The following RAB20 variants were observed in gnomAD, a reference collection of about 807,000 sequenced individuals.
RAB20 encodes RAB20, member RAS oncogene family, also known as ras-related protein Rab-20.
A neutral mutation model predicts 3.7 loss-of-function variants in RAB20; 2 were observed. The ratio of observed to expected loss-of-function variants is 0.54; its 90% CI spans 0.22 to 1.69. RAB20 has a LOEUF of 1.69. RAB20 is among the 40% of genes most tolerant of loss of function. The pLI, the probability that RAB20 is intolerant of heterozygous loss-of-function variation, is 0.19. For synonymous variants in RAB20, 126 were observed against 130.8 expected (o/e 0.96, Z 0.25); for missense variants, 276 against 311.9 (o/e 0.88, Z 0.87).
At chr13:110,532,506 A>G (rs1884559539) in intron 1 of RAB20, among the ~76,000 whole-genome samples, 1 of 151,970 alleles carries the variant, frequency 6.6e-6, no homozygotes, top group Admixed American at 6.6e-5. Flanking sequence ...CCTCCCTAGT[A>G]GCTGGGATTA....
chr13:110,542,887 G>A (rs558184616), intron 1 of RAB20, among the ~76,000 whole-genome samples: 2 of 152,162 alleles, frequency 1.3e-5, no homozygotes, highest in East Asian at 3.9e-4. Context: ...CTTCCACCGC[G>A]GCCATACCCG....
intron 1 of RAB20, among the ~76,000 whole-genome samples, chr13:110,537,948 T>C (rs1374924221): frequency 1.3e-5 from 2 of 152,036 alleles, no homozygotes; most frequent in African/African-American, 4.8e-5. Flanking sequence ...ACTATCAGCT[T>C]CAGGTCCTCC....
intron 1 of RAB20, among the ~76,000 whole-genome samples, chr13:110,538,615 A>AG (rs1482015652): frequency 1.3e-4 from 17 of 126,052 alleles, no homozygotes; most frequent in South Asian, 7.1e-4. Flanking sequence ...AAAAAAAAAA[A>AG]AAAGAAAGAA....
intron 1 of RAB20, among the ~76,000 whole-genome samples, chr13:110,559,583 G>A (rs1256644614): frequency 6.6e-6 from 1 of 152,230 alleles, no homozygotes; most frequent in African/African-American, 2.4e-5. Flanking sequence ...ATGTGGAGAA[G>A]GGGCCTGGCC....
intron 1 of RAB20, among the ~76,000 whole-genome samples, chr13:110,538,408 C>A (rs545171729): frequency 6.6e-6 from 1 of 151,430 alleles, no homozygotes; most frequent in East Asian, 1.9e-4. Context: ...GAGTCCAAGA[C>A]CAGCCTGGGC....
chr13:110,534,250 A>G (rs1213375036), intron 1 of RAB20, among the ~76,000 whole-genome samples: 2 of 152,162 alleles, frequency 1.3e-5, no homozygotes, highest in East Asian at 1.9e-4. Context: ...CAACAAAGCA[A>G]CCTTGCCTGA....
At position 110,524,115 on chromosome 13, in the gene RAB20, C is replaced by T; in HGVS notation, c.255G>A (p.Arg85=). The T allele has an allele frequency of 6.2e-7, 1 of 1,612,464 alleles. No individual in the cohort carries two copies. Among genetic ancestry groups the T allele is most frequent in the Non-Finnish European group, 8.5e-7 (1 of 1,179,990 alleles). Reference sequence around the variant, plus strand: ...GGTCCTCCAGCTCCACCAGGCTCTGCCGGTGATTCACATCATAGGTGAGGA... The same window carrying T: ...GGTCCTCCAGCTCCACCAGGCTCTGTCGGTGATTCACATCATAGGTGAGGA... ...AIILTYDVNH[R]QSLVELEDRF... Residue 85 remains arginine, a synonymous_variant, in exon 2 of 2, where the codon CGG becomes CGA. Transcript: ENST00000267328.
At chr13:110,548,876 A>G in intron 1 of RAB20, among the ~76,000 whole-genome samples, 1 of 152,296 alleles carries the variant, frequency 6.6e-6, no homozygotes, top group East Asian at 1.9e-4. Flanking sequence ...GGACAATGCC[A>G]GAAGGCACTG....
At chr13:110,559,323 A>T (rs1016503991) in intron 1 of RAB20, among the ~76,000 whole-genome samples, 1 of 152,184 alleles carries the variant, frequency 6.6e-6, no homozygotes, top group Non-Finnish European at 1.5e-5. Flanking sequence ...CAACAAAAAC[A>T]ACTTGAAAAG....
chr13:110,526,804 C>A (rs1232842303), intron 1 of RAB20, among the ~76,000 whole-genome samples: 1 of 152,208 alleles, frequency 6.6e-6, no homozygotes. Flanking sequence ...ACCCTTCAGA[C>A]CTGCCATGCC....
chr13:110,535,788 A>G (rs9652147), intron 1 of RAB20, among the ~76,000 whole-genome samples: 27,533 of 152,242 alleles, frequency 0.18, 3,024 homozygotes, highest in African/African-American at 0.32. Flanking sequence ...AGCAGTACCC[A>G]AAGCTCCGGC....
chr13:110,556,614 G>A (rs1212003481), intron 1 of RAB20, among the ~76,000 whole-genome samples: 2 of 152,012 alleles, frequency 1.3e-5, no homozygotes, highest in African/African-American at 4.8e-5. Flanking sequence ...GCTCACTGCA[G>A]CCTCAACCTC....
At chr13:110,526,300 G>A (rs1299831653) in intron 1 of RAB20, among the ~76,000 whole-genome samples, 1 of 152,242 alleles carries the variant, frequency 6.6e-6, no homozygotes, top group Non-Finnish European at 1.5e-5. Context: ...CACCCAGGGA[G>A]TGTCCAGGCC....
chr13:110,551,093 T>C (rs1594138079), intron 1 of RAB20, among the ~76,000 whole-genome samples: 1 of 152,236 alleles, frequency 6.6e-6, no homozygotes, highest in East Asian at 1.9e-4. Context: ...AAAAGTTTCC[T>C]TCAGCAAAAA....
intron 1 of RAB20, among the ~76,000 whole-genome samples, chr13:110,541,622 G>A (rs1884764675): frequency 6.6e-6 from 1 of 152,166 alleles, no homozygotes; most frequent in African/African-American, 2.4e-5. Context: ...AGTTAGCAGG[G>A]AACTGCCTGC....
At chr13:110,539,823 G>T (rs910854930) in intron 1 of RAB20, among the ~76,000 whole-genome samples, 11 of 152,124 alleles carry the variant, frequency 7.2e-5, no homozygotes, top group Admixed American at 5.2e-4. Flanking sequence ...GCCTCCCAAG[G>T]TGCTGGGATT....
chr13:110,546,428 T>G (rs1430953027), intron 1 of RAB20, among the ~76,000 whole-genome samples: 1 of 152,192 alleles, frequency 6.6e-6, no homozygotes, highest in Admixed American at 6.5e-5. Context: ...TTCACCTATT[T>G]GGGCAACATA....
At chr13:110,525,519 C>T (rs1256329128) in intron 1 of RAB20, among the ~76,000 whole-genome samples, 6 of 152,234 alleles carry the variant, frequency 3.9e-5, no homozygotes, top group African/African-American at 1.2e-4. Context: ...CGGCTCCCTG[C>T]CAGTCCACTC....
chr13:110,533,715 C>A, intron 1 of RAB20, among the ~76,000 whole-genome samples: 1 of 124,842 alleles, frequency 8.0e-6, no homozygotes, highest in East Asian at 2.4e-4. Context: ...GTGGAAGCAA[C>A]CATCCCCTCA....
Sources: allele counts gnomAD v4.1 joint callset (sites outside exome capture counted in the v4.1 genomes callset), GRCh38; gene constraint gnomAD v4.1.1; transcripts MANE v1.5; gene names NCBI Gene and HGNC (gene_info 2026-07-23, HGNC 2026-07-21).